SLC9A9: variants seen among roughly 807,000 people sequenced by gnomAD.
SLC9A9 encodes the protein solute carrier family 9 member A9.
In SLC9A9, 62 loss-of-function variants were observed where a neutral mutation model predicts 77.8. The ratio of observed to expected loss-of-function variants is 0.80; its 90% CI spans 0.65 to 0.98. SLC9A9 has a LOEUF of 0.98. SLC9A9 is among the 50% of genes least tolerant of loss of function. The pLI, the probability that SLC9A9 is intolerant of heterozygous loss-of-function variation, is 0.00. For missense variants in SLC9A9, 775 were observed against 774.9 expected (o/e 1.00, Z 0.00); for synonymous variants, 320 against 283.5 (o/e 1.13, Z -1.29).
chr3:143,606,426 CTCTCTCTCTCTATA>C (rs1405864825), intron 6 of SLC9A9, among the ~76,000 whole-genome samples: 101 of 73,970 alleles, frequency 1.4e-3, no homozygotes, highest in African/African-American at 4.8e-3. Flanking sequence ...CTCTCTCTCT[CTCTCTCTCTCTATA>C]TATATATATA....
intron 4 of SLC9A9, among the ~76,000 whole-genome samples, chr3:143,731,718 T>C (rs1425339977): frequency 6.6e-6 from 1 of 152,226 alleles, no homozygotes. Context: ...TCATTGCTTG[T>C]CCTTTTGAAT....
intron 12 of SLC9A9, among the ~76,000 whole-genome samples, chr3:143,413,810 G>A (rs1050472435): frequency 2.7e-5 from 4 of 149,718 alleles, no homozygotes; most frequent in Admixed American, 1.3e-4. Context: ...GTGTGTGTAC[G>A]TGCGTGCGCA....
intron 12 of SLC9A9, among the ~76,000 whole-genome samples, chr3:143,385,468 A>G (rs2033402482): frequency 6.6e-6 from 1 of 152,202 alleles, no homozygotes; most frequent in African/African-American, 2.4e-5. Context: ...ACCTTCACAC[A>G]GCATCCCAAG....
chr3:143,391,769 G>A (rs1481368505), intron 12 of SLC9A9, among the ~76,000 whole-genome samples: 4 of 152,166 alleles, frequency 2.6e-5, no homozygotes, highest in African/African-American at 9.7e-5. Context: ...ACCTGATGGA[G>A]CTGAAAACCA....
chr3:143,816,697 G>T (rs2108877124), intron 2 of SLC9A9, among the ~76,000 whole-genome samples: 1 of 152,282 alleles, frequency 6.6e-6, no homozygotes, highest in African/African-American at 2.4e-5. Flanking sequence ...GCCTGCTGGG[G>T]TATGAGGTAT....
chr3:143,472,270 A>G (rs1004233761), intron 11 of SLC9A9, among the ~76,000 whole-genome samples: 8 of 152,198 alleles, frequency 5.3e-5, no homozygotes, highest in Non-Finnish European at 1.2e-4. Context: ...TTAGAGATGC[A>G]AAAGAGGATA....
chr3:143,402,646 T>C (rs1005673483), intron 12 of SLC9A9, among the ~76,000 whole-genome samples: 2 of 152,058 alleles, frequency 1.3e-5, no homozygotes, highest in Non-Finnish European at 2.9e-5. Context: ...CATAAGTCTA[T>C]TTGTCTGATA....
intron 8 of SLC9A9, 65 bp from the exon 9 acceptor site, chr3:143,552,515 G>T: frequency 7.2e-7 from 1 of 1,380,848 alleles, no homozygotes; most frequent in Non-Finnish European, 1.0e-6. Flanking sequence ...AAAGGTTAGG[G>T]CTATTCCAGT....
intron 14 of SLC9A9, among the ~76,000 whole-genome samples, chr3:143,285,800 A>C (rs1358829913): frequency 6.6e-6 from 1 of 152,088 alleles, no homozygotes; most frequent in Non-Finnish European, 1.5e-5. Flanking sequence ...TTCCATTTGC[A>C]ATGGTTGCAG....
intron 2 of SLC9A9, among the ~76,000 whole-genome samples, chr3:143,829,995 T>C (rs1026157271): frequency 1.1e-4 from 16 of 152,188 alleles, no homozygotes; most frequent in Non-Finnish European, 1.8e-4. Flanking sequence ...AATCCTAACT[T>C]TGTTTAAACA....
At chr3:143,416,209 C>T (rs994185737) in intron 12 of SLC9A9, among the ~76,000 whole-genome samples, 1 of 152,038 alleles carries the variant, frequency 6.6e-6, no homozygotes, top group Admixed American at 6.6e-5. Flanking sequence ...GGTGAAGATG[C>T]CATGAACATG....
intron 11 of SLC9A9, among the ~76,000 whole-genome samples, chr3:143,483,327 G>C (rs2035604168): frequency 1.3e-5 from 2 of 152,140 alleles, no homozygotes; most frequent in African/African-American, 4.8e-5. Context: ...TGTGGCAGTA[G>C]GGTCATCCAT....
At position 143,605,174 on chromosome 3, in the gene SLC9A9, G is replaced by A. The variant is rs369727713; in HGVS notation, c.756-26451C>T. On this transcript the variant is annotated intron_variant, in intron 6 of 15. Coordinates refer to ENST00000316549, the MANE Select transcript of SLC9A9 (RefSeq NM_173653.4). ...CCTTTGGAGCGCATCAAAAGAGCAG[G>A]GCCAACATCCTGATCTCAGTGTATT... 1.1e-3 allele frequency among the ~76,000 whole-genome samples: 167 copies of A among 152,156 alleles called. 1 individual carries two copies. Among genetic ancestry groups the A allele is most frequent in the African/African-American group, 3.9e-3 (163 of 41,498 alleles).
intron 12 of SLC9A9, among the ~76,000 whole-genome samples, chr3:143,453,437 C>T (rs986482678): frequency 6.6e-6 from 1 of 152,000 alleles, no homozygotes; most frequent in Non-Finnish European, 1.5e-5. Flanking sequence ...AAGACTAATT[C>T]AAATTTATTA....
chr3:143,481,847 C>T (rs838640), intron 11 of SLC9A9, among the ~76,000 whole-genome samples: 85,247 of 151,952 alleles, frequency 0.56, 24,312 homozygotes, highest in Non-Finnish European at 0.61. Flanking sequence ...TTCCATTAGC[C>T]TGGATAGTCA....
chr3:143,393,112 A>G (rs1329587227), intron 12 of SLC9A9, among the ~76,000 whole-genome samples: 1 of 152,164 alleles, frequency 6.6e-6, no homozygotes, highest in Non-Finnish European at 1.5e-5. Flanking sequence ...ACATCTACAG[A>G]ACTCTCCACC....
chr3:143,789,748 AG>A, intron 4 of SLC9A9, among the ~76,000 whole-genome samples: 1 of 152,082 alleles, frequency 6.6e-6, no homozygotes, highest in African/African-American at 2.4e-5. Flanking sequence ...GCAGAGGGAG[AG>A]TGTCCACACA....
At chr3:143,746,043 A>G (rs1935189842) in intron 4 of SLC9A9, among the ~76,000 whole-genome samples, 1 of 152,252 alleles carries the variant, frequency 6.6e-6, no homozygotes, top group Non-Finnish European at 1.5e-5. Flanking sequence ...GTGGCTGGAA[A>G]ATGGCGAGCA....
At chr3:143,609,737 G>T (rs2037988982) in intron 6 of SLC9A9, among the ~76,000 whole-genome samples, 1 of 151,990 alleles carries the variant, frequency 6.6e-6, no homozygotes, top group African/African-American at 2.4e-5. Context: ...CAGTAAGTTG[G>T]TTTTTAACTT....
Sources: allele counts gnomAD v4.1 joint callset (sites outside exome capture counted in the v4.1 genomes callset), GRCh38; gene constraint gnomAD v4.1.1; transcripts MANE v1.5; gene names NCBI Gene and HGNC (gene_info 2026-07-23, HGNC 2026-07-21).